The following CMTR1 variants were observed in gnomAD, a reference collection of about 807,000 sequenced individuals.
CMTR1 encodes the protein cap-specific mRNA (nucleoside-2'-O-)-methyltransferase 1.
In CMTR1, 39 loss-of-function variants were observed where a neutral mutation model predicts 107.0. That is an observed-to-expected ratio of 0.36 (90% CI 0.28 to 0.48). The LOEUF is 0.48. Ranked by LOEUF, CMTR1 falls within the 20% of genes least tolerant of loss-of-function variation. The pLI is 0.99. For synonymous variants in CMTR1, 366 were observed against 379.5 expected, an observed-to-expected ratio of 0.96 and a Z score of 0.41; for missense variants, 672 against 1,064.9, an observed-to-expected ratio of 0.63 and a Z score of 5.14.
intron 2 of CMTR1, among the ~76,000 whole-genome samples, chr6:37,437,825 G>C (rs1771572054): frequency 6.6e-6 from 1 of 152,352 alleles, no homozygotes; most frequent in South Asian, 2.1e-4. Context: ...GAAAAAGAGA[G>C]AGTATGTCTG....
At chr6:37,434,131 A>G (rs1265342092) in intron 1 of CMTR1, among the ~76,000 whole-genome samples, 2 of 152,048 alleles carry the variant, frequency 1.3e-5, no homozygotes, top group Non-Finnish European at 2.9e-5. Flanking sequence ...TACGGCTTAA[A>G]GTGAAATGTG....
At chr6:37,455,100 T>TTC (rs1761262347) in intron 8 of CMTR1, among the ~76,000 whole-genome samples, 1 of 151,730 alleles carries the variant, frequency 6.6e-6, no homozygotes. Flanking sequence ...TTTTTTTTTT[T>TTC]CGAGACGGAG....
chr6:37,436,663 G>A (rs1207494146), intron 2 of CMTR1, among the ~76,000 whole-genome samples: 2 of 152,038 alleles, frequency 1.3e-5, no homozygotes, highest in Non-Finnish European at 2.9e-5. Flanking sequence ...TTTCCTCTGT[G>A]TGTGTCTGTA....
At chr6:37,466,074 T>TAATC (rs1761502879) in intron 13 of CMTR1, among the ~76,000 whole-genome samples, 1 of 151,760 alleles carries the variant, frequency 6.6e-6, no homozygotes, top group Non-Finnish European at 1.5e-5. Context: ...TCAATGTCAT[T>TAATC]AATCTTTCCT....
upstream of CMTR1, among the ~76,000 whole-genome samples, chr6:37,429,440 T>C (rs1048891408): frequency 3.3e-5 from 5 of 152,172 alleles, no homozygotes; most frequent in Admixed American, 3.3e-4. Flanking sequence ...TAGCAGAGAT[T>C]ATTTGAGAAA....
At position 37,481,499 on chromosome 6, in the gene CMTR1, A is replaced by T; in HGVS notation, c.*1354A>T. On this transcript the variant is annotated 3_prime_UTR_variant, in exon 24 of 24. Coordinates refer to ENST00000373451, the MANE Select transcript of CMTR1 (RefSeq NM_015050.3). ...GAATCTTGGATCATTAAAGATAAAC[A>T]TATTTTTAATGCCTGTGTGGCTCTG... 1 of 1,106,436 alleles carries T rather than the reference A, an allele frequency of 9.0e-7. No homozygotes were observed. The highest frequency in any genetic ancestry group is 1.1e-6 in the Non-Finnish European group (1 of 901,278). 68.5% of individuals were successfully genotyped at this position (1,106,436 alleles called of 1,614,324 possible). A position where few individuals can be genotyped will look rare whatever the true frequency, so the allele number is the denominator to read the frequency against.
intron 4 of CMTR1, among the ~76,000 whole-genome samples, chr6:37,447,407 C>T (rs987521143): frequency 3.3e-5 from 5 of 152,184 alleles, no homozygotes; most frequent in African/African-American, 1.2e-4. Context: ...AGCAGACTGG[C>T]AATGCGGAAC....
At chr6:37,463,645 G>T (rs748599783) in intron 13 of CMTR1, among the ~76,000 whole-genome samples, 1 of 152,136 alleles carries the variant, frequency 6.6e-6, no homozygotes, top group Non-Finnish European at 1.5e-5. Context: ...TGCTCTCTTA[G>T]GGGGCTAAAC....
intron 3 of CMTR1, 148 bp from the exon 4 acceptor site, chr6:37,446,143 A>G: frequency 1.1e-6 from 1 of 877,764 alleles, no homozygotes; most frequent in Non-Finnish European, 1.7e-6. Context: ...TTATTTATTT[A>G]TGCTTCTTTT....
intron 13 of CMTR1, among the ~76,000 whole-genome samples, chr6:37,464,280 A>T (rs1233702188): frequency 3.3e-5 from 5 of 151,990 alleles, no homozygotes; most frequent in African/African-American, 7.3e-5. Flanking sequence ...CCTGGCTAAC[A>T]CGGTGAAACC....
In CMTR1 at chr6:37,462,921, C is replaced by T. The variant is rs556222451; in HGVS notation, c.1418C>T (p.Thr473Met). The change falls in exon 13 of 24, where the codon ACG becomes ATG. Residue 473 changes from threonine (T) to methionine (M), a missense_variant. Coordinates refer to ENST00000373451, the MANE Select transcript of CMTR1 (RefSeq NM_015050.3). Reference protein sequence around the residue: ...VNIKLNQLRNTDSDVNLVVPL... With the variant: ...VNIKLNQLRNMDSDVNLVVPL... ...ATTAAACTCAATCAGCTGCGGAACA[C>T]GGATTCCGACGTCAACTTGGTGGTC... 9.3e-6 allele frequency: 15 copies of T among 1,614,118 alleles called. No individual in the cohort carries two copies. The East Asian group carries it at 2.2e-4, about 24-fold the overall frequency.
At chr6:37,437,277 G>A (rs1771550891) in intron 2 of CMTR1, among the ~76,000 whole-genome samples, 1 of 150,412 alleles carries the variant, frequency 6.6e-6, no homozygotes, top group Admixed American at 6.6e-5. Context: ...TTGTAATCCC[G>A]GCACTTTGGG....
intron 4 of CMTR1, among the ~76,000 whole-genome samples, chr6:37,449,226 G>A (rs2113870911): frequency 6.6e-6 from 1 of 151,970 alleles, no homozygotes; most frequent in East Asian, 1.9e-4. Flanking sequence ...AATTACAGGT[G>A]TGAGCTACTG....
chr6:37,453,559 T>G (rs949501734), intron 8 of CMTR1, among the ~76,000 whole-genome samples: 3 of 152,224 alleles, frequency 2.0e-5, no homozygotes, highest in African/African-American at 7.2e-5. Context: ...GAAGGGTGAA[T>G]ACTGTTTTTA....
Position 37,472,564 on chromosome 6 carries a change from G to C in CMTR1, c.1689+77G>C. The C allele has an allele frequency of 7.1e-7, 1 of 1,404,664 alleles. No individual in the cohort carries two copies. Among genetic ancestry groups the C allele is most frequent in the East Asian group, 2.3e-5 (1 of 43,858 alleles). 87.0% of individuals were successfully genotyped at this position (1,404,664 alleles called of 1,614,324 possible). A position where few individuals can be genotyped will look rare whatever the true frequency, so the allele number is the denominator to read the frequency against. ...TGTGGATGGTATCACTGAGGCCCCAGATGCATGGTCTCCAGAGGGCTTGTG... is the reference window on the plus strand; with the variant it reads ...TGTGGATGGTATCACTGAGGCCCCACATGCATGGTCTCCAGAGGGCTTGTG... On this transcript the variant is annotated intron_variant, in intron 16 of 23. Transcript: ENST00000373451. This position sits in a 1 kb window ranked among gnomAD's most constrained non-coding sequence, Gnocchi z 4.1.
chr6:37,463,981 T>C (rs2776906), intron 13 of CMTR1, among the ~76,000 whole-genome samples: 109,254 of 152,092 alleles, frequency 0.72, 39,802 homozygotes, highest in African/African-American at 0.82. Flanking sequence ...TGAACAAGTG[T>C]GCATAGATGC....
intron 18 of CMTR1, 71 bp downstream of exon 18, chr6:37,474,717 T>G: frequency 6.3e-7 from 1 of 1,586,654 alleles, no homozygotes; most frequent in Non-Finnish European, 8.6e-7. Flanking sequence ...CCTGGCCTTT[T>G]GCCCTGAGTT....
intron 8 of CMTR1, among the ~76,000 whole-genome samples, chr6:37,457,862 G>C (rs1761328280): frequency 6.6e-6 from 1 of 152,122 alleles, no homozygotes; most frequent in African/African-American, 2.4e-5. Context: ...TAGTGGCTAG[G>C]CCAACTGGAC....
intron 17 of CMTR1, among the ~76,000 whole-genome samples, chr6:37,473,981 T>C (rs1761680923): frequency 6.6e-6 from 1 of 152,206 alleles, no homozygotes; most frequent in African/African-American, 2.4e-5. Context: ...AGATACTCCC[T>C]GTCCCTACCC....
Sources: allele counts gnomAD v4.1 joint callset (sites outside exome capture counted in the v4.1 genomes callset), GRCh38; gene constraint gnomAD v4.1.1; non-coding constraint Gnocchi (gnomAD v3.1); transcripts MANE v1.5; gene names NCBI Gene and HGNC (gene_info 2026-07-23, HGNC 2026-07-21).